PRSS36: variants seen among roughly 807,000 people sequenced by gnomAD.
The protein encoded by PRSS36 is polyserase-2.
PRSS36 carries 90 observed loss-of-function variants against 94.3 expected under a neutral mutation model. The ratio of observed to expected loss-of-function variants is 0.95; its 90% CI spans 0.80 to 1.14. The LOEUF (loss-of-function observed/expected upper bound fraction) is 1.14, where lower values mean the gene tolerates loss of function less well. Ranked by LOEUF, PRSS36 falls within the 50% of genes most tolerant of loss-of-function variation. The probability of loss-of-function intolerance (pLI) is 0.00; values close to 1 mark genes in which losing one functional copy is unlikely to be tolerated. For synonymous variants in PRSS36, 500 were observed against 489.6 expected (o/e 1.02, Z -0.28); for missense variants, 1,158 against 1,135.0 (o/e 1.02, Z -0.29).
rs766954627 is a variant in PRSS36 at position 31,140,416 on chromosome 16, C to T, written c.2168-1G>A. ...ATGGAGACAGCAGCAGCCACAGGGA[C>T]TGGGGAGAGGAGACAAAGTTGTTCC... On this transcript the variant is annotated splice_acceptor_variant, in intron 13 of 14. Transcript: ENST00000268281. LOFTEE classifies it high-confidence loss of function. 7.4e-6 allele frequency: 12 copies of T among 1,613,106 alleles called. No individual in the cohort carries two copies. The Middle Eastern group carries it at 4.9e-4, about 66-fold the overall frequency.
Position 31,140,653 on chromosome 16 carries a change from C to G in PRSS36, c.2006G>C (p.Arg669Pro), listed in dbSNP as rs768201640. ...CCTGAGTCCCAGGTGCTGGGGCAGC[C>G]GGATGCTGATGACCAAGCGGGATAC... ...HQVSRLVISI[R>P]LPQHLGLRPP... The change falls in exon 13 of 15, where the codon CGG becomes CCG. Residue 669 changes from arginine (R) to proline (P), a missense_variant. By Grantham distance (103) the Arg-to-Pro change is moderately radical (BLOSUM62 -2). Transcript: ENST00000268281. 5.0e-6 allele frequency: 8 copies of G among 1,613,670 alleles called. No individual in the cohort carries two copies. Among genetic ancestry groups the G allele is most frequent in the Non-Finnish European group, 6.8e-6 (8 of 1,179,888 alleles).
chr16:31,148,014 C>G (rs923227282), intron 5 of PRSS36, among the ~76,000 whole-genome samples: 1 of 152,166 alleles, frequency 6.6e-6, no homozygotes, highest in African/African-American at 2.4e-5. Flanking sequence ...CACTCAACCA[C>G]CCCTTGAAGT....
chr16:31,139,045 C>G lies in PRSS36; in HGVS notation c.*93G>C. The G allele has an allele frequency of 7.1e-7, 1 of 1,399,886 alleles. No individual in the cohort carries two copies. Among genetic ancestry groups the G allele is most frequent in the Non-Finnish European group, 9.6e-7 (1 of 1,044,480 alleles). The allele number at this position is 1,399,886 out of a possible 1,614,324, so 86.7% of individuals were successfully genotyped here. On this transcript the variant is annotated 3_prime_UTR_variant, in exon 15 of 15. Transcript: ENST00000268281. ...CGCTGCAATCTCGGTGGGTGGGGCCCTTGAGGTTCCAGCCGGCTGGGCCAC... is the reference window on the plus strand; with the variant it reads ...CGCTGCAATCTCGGTGGGTGGGGCCGTTGAGGTTCCAGCCGGCTGGGCCAC...
rs1484620929 is a variant in PRSS36, at chr16:31,149,986, C to T, written c.37+13G>A. ...CCAGGCCCTTTGCAGCCACTCTTGT[C>T]CCCTGAGGTTACCAAGCATCACAAG... is the stretch of plus-strand genomic sequence containing the variant. On this transcript the variant is annotated intron_variant, in intron 1 of 14. Transcript: ENST00000268281. 2.5e-6 allele frequency: 4 copies of T among 1,613,880 alleles called. No homozygotes were observed. The Admixed American group carries it at 5.0e-5, about 20-fold the overall frequency.
In PRSS36 at chr16:31,139,404, G is replaced by A; in HGVS notation, c.2302C>T (p.Pro768Ser). ...QENRCEMTSA[P>S]PLLCQMTEGS... is the part of the protein sequence containing the mutation. ...TCCGTCATCTGGCACAGGAGGGGCG[G>A]TGCTGAGGTCATCTGCAGAGTTGGA... Residue 768 changes from proline (P) to serine (S), a missense_variant, in exon 15 of 15, where the codon CCG (proline) becomes TCG (serine). Pro to Ser is a moderately conservative substitution (Grantham distance 74). Coordinates refer to ENST00000268281, the MANE Select transcript of PRSS36 (RefSeq NM_173502.5). The A allele has an allele frequency of 6.2e-7, 1 of 1,613,486 alleles. No individual in the cohort carries two copies. Among genetic ancestry groups the A allele is most frequent in the Non-Finnish European group, 8.5e-7 (1 of 1,179,578 alleles).
intron 12 of PRSS36, 92 bp from the exon 13 acceptor site, chr16:31,140,849 T>C (rs2057675442): frequency 5.9e-6 from 8 of 1,363,630 alleles, no homozygotes; most frequent in Non-Finnish European, 8.1e-6. Context: ...TCTGGGGTCA[T>C]GCCACTCACT....
Position 31,149,227 on chromosome 16 carries a change from G to T in PRSS36, c.118C>A (p.Arg40Ser). 1.3e-6 allele frequency: 2 copies of T among 1,556,622 alleles called. No individual in the cohort carries two copies. The highest frequency in any genetic ancestry group is 4.8e-5 in the East Asian group (2 of 42,076). The part of the protein sequence containing the change: ...QEEPEDLDCG[R>S]PEPSARIVGG... ...ACGATGCGGGCCGAGGGCTCAGGGC[G>T]CCCGCAGTCTGCAACGGGGAGCCGT... The change falls in exon 4 of 15, where the codon CGC (arginine) becomes AGC (serine). Residue 40 changes from arginine to serine, a missense_variant. Transcript: ENST00000268281.
intron 6 of PRSS36, among the ~76,000 whole-genome samples, chr16:31,144,544 G>A (rs2057766831): frequency 6.6e-6 from 1 of 152,216 alleles, no homozygotes; most frequent in East Asian, 1.9e-4. Context: ...CTGGGCTCAA[G>A]TGATCCTCCC....
Position 31,140,290 on chromosome 16 carries a change from G to A in PRSS36, c.2289+4C>T. ...CCTACTCCAGGACGCCCAGGCCCCT[G>A]TACCTCACACCTGTTCTCCTGCCCC... On this transcript the variant is annotated splice_donor_region_variant and intron_variant, in intron 14 of 14. Coordinates refer to ENST00000268281, the MANE Select transcript of PRSS36 (RefSeq NM_173502.5). 6.2e-7 allele frequency: 1 copy of A among 1,607,970 alleles called. No individual in the cohort carries two copies. Among genetic ancestry groups the A allele is most frequent in the Non-Finnish European group, 8.5e-7 (1 of 1,176,482 alleles).
intron 6 of PRSS36, 138 bp downstream of exon 6, chr16:31,145,651 C>CA (rs2057788401): frequency 1.1e-6 from 1 of 869,656 alleles, no homozygotes; most frequent in Non-Finnish European, 1.7e-6. Context: ...AATACACAAA[C>CA]AAAAAACTTC....
In PRSS36 at chr16:31,148,648, C is replaced by T. The variant is rs761741149; in HGVS notation, c.300G>A (p.Glu100=). 5 of 1,612,562 alleles carry T rather than the reference C, an allele frequency of 3.1e-6. No individual in the cohort carries two copies. In the Admixed American group the frequency reaches 5.0e-5, roughly 16 times the overall value. Reference sequence around the variant, plus strand: ...AGTGCACGCCCAGCAGTACCGACCACTCGGCCGCGGGCTCCAGCGTCCCAT... The same window carrying T: ...AGTGCACGCCCAGCAGTACCGACCATTCGGCCGCGGGCTCCAGCGTCCCAT... The part of the protein sequence containing the change: ...MTNGTLEPAA[E]WSVLLGVHSQ... The change falls in exon 5 of 15, where the codon GAG becomes GAA. Residue 100 remains glutamate, a synonymous_variant. Coordinates refer to ENST00000268281, the MANE Select transcript of PRSS36 (RefSeq NM_173502.5).
chr16:31,145,337 C>T (rs1377787911), intron 6 of PRSS36, among the ~76,000 whole-genome samples: 28 of 132,676 alleles, frequency 2.1e-4, no homozygotes, highest in Admixed American at 6.5e-4. Flanking sequence ...CATGCTACTG[C>T]ACTCCAGCCT....
At chr16:31,141,665 C>T in intron 11 of PRSS36, 55 bp from the exon 12 acceptor site, 12 of 1,608,436 alleles carry the variant, frequency 7.5e-6, no homozygotes, top group Middle Eastern at 1.7e-4. Context: ...CCCCTGAGCC[C>T]CTGCCATGGG....
Position 31,141,786 on chromosome 16 carries a change from C to A in PRSS36, c.1696G>T (p.Asp566Tyr). 1 of 1,614,112 alleles carries A rather than the reference C, an allele frequency of 6.2e-7. No homozygotes were observed. Among genetic ancestry groups the A allele is most frequent in the Non-Finnish European group, 8.5e-7 (1 of 1,179,966 alleles). ...GTCTCCTCCCCATCAGGGCCCCAAT[C>A]CCAGGCTAGCTGGTCCTCCAGGTAG... The part of the protein sequence containing the change: ...GAYLEDQLAW[D>Y]WGPDGEETET... The change falls in exon 11 of 15, where the codon GAT (aspartate) becomes TAT (tyrosine). Residue 566 changes from aspartate (D) to tyrosine (Y), a missense_variant. Transcript: ENST00000268281.
chr16:31,149,912 C>A, intron 1 of PRSS36, 87 bp downstream of exon 1: 1 of 1,563,532 alleles, frequency 6.4e-7, no homozygotes, highest in South Asian at 1.1e-5. Flanking sequence ...TTCCTGCTCC[C>A]CACACAGAAA....
In PRSS36 at chr16:31,140,317, C is replaced by A; in HGVS notation, c.2266G>T (p.Glu756Ter). 6.2e-7 allele frequency: 1 copy of A among 1,613,550 alleles called. No homozygotes were observed. Among genetic ancestry groups the A allele is most frequent in the Non-Finnish European group, 8.5e-7 (1 of 1,179,780 alleles). The change falls in exon 14 of 15, where the codon GAG (glutamate) becomes TAG (stop). Residue 756 changes from glutamate (E) to a stop codon, truncating the protein, a stop_gained. Coordinates refer to ENST00000268281, the MANE Select transcript of PRSS36 (RefSeq NM_173502.5). LOFTEE classifies it low-confidence loss of function (END_TRUNC). Reference protein sequence around the residue: ...PPGTLCVLYAEGQENRCEMTS... With the variant: ...PPGTLCVLYA ...ACCTCACACCTGTTCTCCTGCCCCT[C>A]TGCATACAGGACACAGAGGGTTCCA...
chr16:31,148,342 C>G, intron 5 of PRSS36, 53 bp downstream of exon 5: 1 of 1,472,240 alleles, frequency 6.8e-7, no homozygotes, highest in Non-Finnish European at 8.9e-7. Flanking sequence ...GGAACCTCAC[C>G]TCTCGAAGCC....
chr16:31,145,059 C>G (rs1330008030), intron 6 of PRSS36, among the ~76,000 whole-genome samples: 1 of 151,638 alleles, frequency 6.6e-6, no homozygotes, highest in African/African-American at 2.4e-5. Context: ...TGTACTCTAG[C>G]CTGGGCAATA....
rs935667845 is a variant in PRSS36, at chr16:31,139,024, G to C, written c.*114C>G. The C allele has an allele frequency of 2.4e-6, 3 of 1,267,218 alleles. No individual in the cohort carries two copies. Among genetic ancestry groups the C allele is most frequent in the Non-Finnish European group, 3.3e-6 (3 of 916,912 alleles). 78.5% of individuals were successfully genotyped at this position (1,267,218 alleles called of 1,614,324 possible). ...TGAGGCCCAATTAGCCAGAGCCGCT[G>C]CAATCTCGGTGGGTGGGGCCCTTGA... is the stretch of plus-strand genomic sequence containing the variant. On this transcript the variant is annotated 3_prime_UTR_variant, in exon 15 of 15. Coordinates refer to ENST00000268281, the MANE Select transcript of PRSS36 (RefSeq NM_173502.5).
Sources: gnomAD v4.1 joint callset for allele counts (sites outside exome capture counted in the v4.1 genomes callset) on GRCh38, gnomAD v4.1.1 for gene constraint, MANE v1.5 for transcripts, NCBI Gene and HGNC (gene_info 2026-07-23, HGNC 2026-07-21) for gene names.